The following MORC1 variants were observed in gnomAD, a reference collection of about 807,000 sequenced individuals.
The protein encoded by MORC1 is MORC family CW-type zinc finger 1, also known as MORC family CW-type zinc finger protein 1.
Under a neutral mutation model 134.9 loss-of-function variants are expected in MORC1, and 59 were observed. The observed-to-expected ratio is 0.44, with a 90% CI of 0.35 to 0.54. MORC1 has a LOEUF of 0.54. Ranked by LOEUF, MORC1 falls within the 20% of genes least tolerant of loss-of-function variation. The pLI is 0.00. For synonymous variants in MORC1, 395 were observed against 391.7 expected (o/e 1.01, Z -0.10); for missense variants, 947 against 1,134.5 (o/e 0.83, Z 2.37).
chr3:109,059,701 G>T, intron 12 of MORC1, 105 bp downstream of exon 12: 1 of 889,518 alleles, frequency 1.1e-6, no homozygotes, highest in Non-Finnish European at 1.7e-6. Flanking sequence ...GTCACAAGCT[G>T]AAAAAAAATT....
At chr3:109,104,718 C>G (rs1017480289) in intron 3 of MORC1, among the ~76,000 whole-genome samples, 1 of 152,012 alleles carries the variant, frequency 6.6e-6, no homozygotes. Flanking sequence ...ATTTTAGTGC[C>G]CAGTTTGTAA....
intron 8 of MORC1, among the ~76,000 whole-genome samples, chr3:109,091,449 AT>A (rs1950723693): frequency 3.2e-5 from 4 of 126,930 alleles, no homozygotes; most frequent in African/African-American, 1.3e-4. Context: ...ATCTAAAAAA[AT>A]AAATAAATAA....
intron 1 of MORC1, 43 bp downstream of exon 1, chr3:109,117,952 G>A (rs1302527430): frequency 2.7e-6 from 4 of 1,494,172 alleles, no homozygotes; most frequent in Middle Eastern, 1.7e-4. Flanking sequence ...TTCATGGCGG[G>A]CGCAGAGACC....
Position 109,100,406 on chromosome 3 carries a change from AAAATTCTC to A in MORC1, c.314+3_314+10del. ...CAATAATATATGTCTTAAGGGAAAA[AAAATTCTC>A]ACCTTTTAAGACCATTGCCGTATTG... On this transcript the variant is annotated splice_donor_5th_base_variant and intron_variant, in intron 5 of 27. Coordinates refer to ENST00000232603, the MANE Select transcript of MORC1 (RefSeq NM_014429.4). 6.3e-7 allele frequency: 1 copy of A among 1,599,932 alleles called. No homozygotes were observed. Among genetic ancestry groups the A allele is most frequent in the South Asian group, 1.1e-5 (1 of 90,798 alleles).
intron 26 of MORC1, 120 bp from the exon 27 acceptor site, chr3:108,963,728 G>A: frequency 4.6e-6 from 3 of 659,132 alleles, no homozygotes; most frequent in South Asian, 2.3e-5. Context: ...CTTCGTAGGT[G>A]GTCTAAATTT....
intron 26 of MORC1, among the ~76,000 whole-genome samples, chr3:108,967,116 CCTGA>C (rs1947242241): frequency 6.6e-6 from 1 of 152,130 alleles, no homozygotes; most frequent in African/African-American, 2.4e-5. Flanking sequence ...CTGCTGGTCT[CCTGA>C]CTGTTTATCT....
rs566900643 is a variant in MORC1 at position 109,062,092 on chromosome 3, A to C, written c.896-34T>G. 3.0e-5 allele frequency: 48 copies of C among 1,597,548 alleles called. No individual in the cohort carries two copies. In the African/African-American group the frequency reaches 5.8e-4, roughly 19 times the overall value. On this transcript the variant is annotated intron_variant, in intron 10 of 27. Transcript: ENST00000232603. The stretch of plus-strand genomic sequence containing the variant: ...AGAAGCCAAATAGTTATAACACAGC[A>C]AAATTATTTCAAGCAATTTTAAGTG...
chr3:108,958,869 T>C lies in MORC1; in HGVS notation c.*96A>G. 1.3e-6 allele frequency: 1 copy of C among 780,694 alleles called. No homozygotes were observed. The highest frequency in any genetic ancestry group is 2.5e-5 in the South Asian group (1 of 39,380). 48.4% of individuals were successfully genotyped at this position (780,694 alleles called of 1,614,324 possible). A position where few individuals can be genotyped will look rare whatever the true frequency, so the allele number is the denominator to read the frequency against. ...TCTTATTTCTTATTGTTAAACAGAATAGACTTTACAGTAACAACAACAAAA... is the reference window on the plus strand; with the variant it reads ...TCTTATTTCTTATTGTTAAACAGAACAGACTTTACAGTAACAACAACAAAA... On this transcript the variant is annotated 3_prime_UTR_variant, in exon 28 of 28. Coordinates refer to ENST00000232603, the MANE Select transcript of MORC1 (RefSeq NM_014429.4).
chr3:109,091,614 G>A (rs544257382), intron 8 of MORC1, among the ~76,000 whole-genome samples: 2 of 152,086 alleles, frequency 1.3e-5, no homozygotes, highest in African/African-American at 4.8e-5. Context: ...CCCCCGAGGA[G>A]GTGGTGATAC....
chr3:108,994,339 G>A (rs1030321752), intron 21 of MORC1, among the ~76,000 whole-genome samples: 1 of 151,490 alleles, frequency 6.6e-6, no homozygotes, highest in Non-Finnish European at 1.5e-5. Flanking sequence ...TGCTCTTGAG[G>A]CCAGCTGCAA....
intron 17 of MORC1, chr3:109,018,827 G>A (rs776218622): frequency 2.0e-5 from 3 of 152,046 alleles, no homozygotes; most frequent in South Asian, 4.2e-4. Flanking sequence ...TGATATTCAC[G>A]GGTTCTAAAA....
At chr3:108,972,833 C>CT (rs1947429105) in intron 24 of MORC1, among the ~76,000 whole-genome samples, 1 of 152,176 alleles carries the variant, frequency 6.6e-6, no homozygotes, top group African/African-American at 2.4e-5. Context: ...AGTATAAATT[C>CT]TTTTGCCTTT....
At chr3:109,039,212 C>T (rs942979325) in intron 14 of MORC1, among the ~76,000 whole-genome samples, 12 of 151,988 alleles carry the variant, frequency 7.9e-5, no homozygotes, top group South Asian at 2.1e-4. Context: ...CACCGTGCCC[C>T]GCCTGCTTCT....
intron 8 of MORC1, among the ~76,000 whole-genome samples, chr3:109,082,484 C>T (rs528244180): frequency 3.2e-4 from 48 of 151,962 alleles, no homozygotes; most frequent in African/African-American, 1.1e-3. Flanking sequence ...TGTGAGCTCT[C>T]GGATAAAGAA....
At chr3:109,044,410 T>G (rs966335862) in intron 14 of MORC1, among the ~76,000 whole-genome samples, 3 of 151,514 alleles carry the variant, frequency 2.0e-5, no homozygotes, top group Middle Eastern at 3.2e-3. Context: ...TACAAAAAAT[T>G]AGCCAGGCAT....
intron 6 of MORC1, among the ~76,000 whole-genome samples, chr3:109,097,590 C>T (rs775565714): frequency 3.9e-5 from 6 of 152,062 alleles, no homozygotes; most frequent in Non-Finnish European, 8.8e-5. Flanking sequence ...ACCATGGAAG[C>T]AGGAGTGTGA....
At chr3:109,073,310 T>C (rs7624660) in intron 8 of MORC1, among the ~76,000 whole-genome samples, 134,079 of 152,188 alleles carry the variant, frequency 0.88, 59,142 homozygotes, top group East Asian at 0.93. Context: ...GTTCTGTGGC[T>C]AAGGCCATAG....
chr3:109,091,410 C>T lies in MORC1; in HGVS notation c.689+2026G>A, dbSNP rs561596804. Reference sequence around the variant, plus strand: ...AGTGAGCCAAGATGGCACCACTGCACTCCAGCCTGGGCAACAGGGTGAGAC... The same window carrying T: ...AGTGAGCCAAGATGGCACCACTGCATTCCAGCCTGGGCAACAGGGTGAGAC... On this transcript the variant is annotated intron_variant, in intron 8 of 27. Coordinates refer to ENST00000232603, the MANE Select transcript of MORC1 (RefSeq NM_014429.4). Among the ~76,000 whole-genome samples the T allele has an allele frequency of 3.8e-4, 57 of 151,418 alleles. 1 individual carries two copies. The South Asian group carries it at 0.012, about 31-fold the overall frequency.
chr3:109,085,567 T>C (rs1401471554), intron 8 of MORC1, among the ~76,000 whole-genome samples: 2 of 151,620 alleles, frequency 1.3e-5, no homozygotes, highest in Non-Finnish European at 2.9e-5. Context: ...AGATATCATC[T>C]CACCCCAATT....
Sources: gnomAD v4.1 joint callset for allele counts (sites outside exome capture counted in the v4.1 genomes callset) on GRCh38, gnomAD v4.1.1 for gene constraint, MANE v1.5 for transcripts, NCBI Gene and HGNC (gene_info 2026-07-23, HGNC 2026-07-21) for gene names.